Variants in DGKH observed in about 807,000 individuals in gnomAD.
The protein encoded by DGKH is DAG kinase eta.
Under a neutral mutation model 159.3 loss-of-function variants are expected in DGKH, and 90 were observed. The observed-to-expected ratio is 0.57, with a 90% CI of 0.48 to 0.67. The LOEUF is 0.67. Among genes scored for constraint, DGKH ranks in the 30% least tolerant of loss-of-function variants. The pLI, the probability that DGKH is intolerant of heterozygous loss-of-function variation, is 0.00. For synonymous variants in DGKH, 536 were observed against 553.8 expected (o/e 0.97, Z 0.45); for missense variants, 1,181 against 1,506.1 (o/e 0.78, Z 3.57).
In DGKH at chr13:42,238,682, T is replaced by A. The variant is rs1017831567; in HGVS notation, c.*9494T>A. ...TGGTATTCTTTCATGCAAAGTACTT[T>A]CAAAACTTCCCATAAAGAAACTAAA... On this transcript the variant is annotated 3_prime_UTR_variant, in exon 30 of 30. Coordinates refer to ENST00000337343, the MANE Select transcript of DGKH (RefSeq NM_178009.5). The A allele has an allele frequency of 6.6e-6, 1 of 152,176 alleles. No homozygotes were observed. Among genetic ancestry groups the A allele is most frequent in the African/African-American group, 2.4e-5 (1 of 41,450 alleles). The allele number at this position is 152,176 out of a possible 1,614,324, so 9.4% of individuals were successfully genotyped here.
Position 42,138,420 on chromosome 13 carries a change from T to C in DGKH, c.384+8788T>C, listed in dbSNP as rs915060889. ...GAAATTTCCTTGCAGATGCAAAGAC[T>C]GTGTCTTCTTTACCACTGAATCCTC... On this transcript the variant is annotated intron_variant, in intron 3 of 29. Transcript: ENST00000337343. 2.0e-5 allele frequency among the ~76,000 whole-genome samples: 3 copies of C among 152,202 alleles called. No homozygotes were observed. In the East Asian group the frequency reaches 5.8e-4, roughly 29 times the overall value.
In DGKH at chr13:42,079,453, C is replaced by T. The variant is rs539303160; in HGVS notation, c.192+30488C>T. Among the ~76,000 whole-genome samples, 127 of 152,250 alleles carry T rather than the reference C, an allele frequency of 8.3e-4. 1 individual carries two copies. Among genetic ancestry groups the T allele is most frequent in the Middle Eastern group, 3.4e-3 (1 of 294 alleles). On this transcript the variant is annotated intron_variant, in intron 1 of 29. Transcript: ENST00000337343. ...AACCAATTTCTCATCATCCATTCCC[C>T]TCCTACCCTCTCGCCCCTCCAAGCC...
At chr13:42,144,714 G>A (rs1955676351) in intron 3 of DGKH, among the ~76,000 whole-genome samples, 2 of 151,822 alleles carry the variant, frequency 1.3e-5, no homozygotes, top group African/African-American at 2.4e-5. Context: ...GAAAAGAAAG[G>A]GGTTCCATGT....
chr13:42,110,179 G>A (rs1954835610), intron 1 of DGKH, among the ~76,000 whole-genome samples: 1 of 152,142 alleles, frequency 6.6e-6, no homozygotes, highest in Admixed American at 6.5e-5. Context: ...AACTGTATGT[G>A]GTAGATGTGA....
In DGKH at chr13:42,168,308, T is replaced by A. The variant is rs1311033980; in HGVS notation, c.1119-132T>A. 1.2e-5 allele frequency: 8 copies of A among 693,560 alleles called. No homozygotes were observed. The East Asian group carries it at 1.7e-4, about 14-fold the overall frequency. 43.0% of individuals were successfully genotyped at this position (693,560 alleles called of 1,614,324 possible). A position where few individuals can be genotyped will look rare whatever the true frequency, so the allele number is the denominator to read the frequency against. On this transcript the variant is annotated intron_variant, in intron 9 of 29. Coordinates refer to ENST00000337343, the MANE Select transcript of DGKH (RefSeq NM_178009.5). ...TTAAAATTACACTTCAGTGAATGTT[T>A]ATGGTATAATTAACATGTAAGTAGG...
rs1159660128 is a variant in DGKH, at chr13:42,237,425, A to G, written c.*8237A>G. 1 of 152,226 alleles carries G rather than the reference A, an allele frequency of 6.6e-6. No individual in the cohort carries two copies. The highest frequency in any genetic ancestry group is 2.4e-5 in the African/African-American group (1 of 41,460). The allele number at this position is 152,226 out of a possible 1,614,324, so 9.4% of individuals were successfully genotyped here. On this transcript the variant is annotated 3_prime_UTR_variant, in exon 30 of 30. Transcript: ENST00000337343. ...GAAAAAAAGAAAACTGGTGAGAGAA[A>G]TTACATGGAAATTATAGGAAAAAGG...
At chr13:42,223,110 G>T (rs1001204716) in intron 29 of DGKH, among the ~76,000 whole-genome samples, 2 of 152,118 alleles carry the variant, frequency 1.3e-5, no homozygotes, top group East Asian at 3.9e-4. Context: ...AACAAGATGT[G>T]GGGGGTGGAT....
chr13:42,240,651 A>G lies in DGKH; in HGVS notation c.*11463A>G, dbSNP rs1047042791. ...AGGTTATTTAGAGTTATTAATGTAA[A>G]CATAAGAAGGCTTGTGACTCTTATC... On this transcript the variant is annotated 3_prime_UTR_variant, in exon 30 of 30. Coordinates refer to ENST00000337343, the MANE Select transcript of DGKH (RefSeq NM_178009.5). 2.6e-5 allele frequency: 4 copies of G among 152,178 alleles called. No individual in the cohort carries two copies. The highest frequency in any genetic ancestry group is 9.7e-5 in the African/African-American group (4 of 41,436). 9.4% of individuals were successfully genotyped at this position (152,178 alleles called of 1,614,324 possible). A position where few individuals can be genotyped will look rare whatever the true frequency, so the allele number is the denominator to read the frequency against.
chr13:42,172,187 C>T (rs950217306), intron 11 of DGKH, among the ~76,000 whole-genome samples: 17 of 151,718 alleles, frequency 1.1e-4, no homozygotes, highest in African/African-American at 2.2e-4. Context: ...GGCACAATCT[C>T]GGCTCACTGT....
chr13:42,219,369 T>C lies in DGKH; in HGVS notation c.3333+20T>C. On this transcript the variant is annotated intron_variant, in intron 27 of 29. Coordinates refer to ENST00000337343, the MANE Select transcript of DGKH (RefSeq NM_178009.5). ...GATGAGGTATGTAAAATTCAGCCTG[T>C]TTCTCTAGAAATGTAGACCATATTG... 6.2e-7 allele frequency: 1 copy of C among 1,612,426 alleles called. No individual in the cohort carries two copies. Among genetic ancestry groups the C allele is most frequent in the Non-Finnish European group, 8.5e-7 (1 of 1,179,382 alleles).
intron 1 of DGKH, among the ~76,000 whole-genome samples, chr13:42,063,621 A>C (rs1446556744): frequency 6.6e-6 from 1 of 152,158 alleles, no homozygotes; most frequent in Non-Finnish European, 1.5e-5. Flanking sequence ...TTTTTTAAAA[A>C]AGTGAAATGA....
At chr13:42,055,501 G>A (rs969902627) in intron 1 of DGKH, among the ~76,000 whole-genome samples, 1 of 152,160 alleles carries the variant, frequency 6.6e-6, no homozygotes, top group East Asian at 1.9e-4. Flanking sequence ...ATAACTTAAC[G>A]ATGCCGTATT....
At chr13:42,040,426 G>A (rs577413730) in intron 1 of DGKH, among the ~76,000 whole-genome samples, 1 of 151,804 alleles carries the variant, frequency 6.6e-6, no homozygotes, top group South Asian at 2.1e-4. Context: ...CCCGGCGGCC[G>A]CTTTCGGTTC....
rs1451851200 is a variant in DGKH at position 42,194,947 on chromosome 13, G to A, written c.2098G>A (p.Val700Ile). The A allele has an allele frequency of 6.2e-7, 1 of 1,613,850 alleles. No homozygotes were observed. The highest frequency in any genetic ancestry group is 1.7e-5 in the Admixed American group (1 of 59,972). Residue 700 changes from valine (V) to isoleucine (I), a missense_variant, in exon 17 of 30, where the codon GTC becomes ATC. This residue lies in a region of DGKH where 257 missense variants were observed against 281.5 expected (regional missense o/e 0.91). Transcript: ENST00000337343. ...ASYGHSQTDSVPGPAVAASKE... is the reference protein window; with the variant it reads ...ASYGHSQTDSIPGPAVAASKE... Reference sequence around the variant, plus strand: ...TTATGGCCATTCCCAAACTGATTCTGTCCCTGGTCCAGCTGTGGCAGCCAG... The same window carrying A: ...TTATGGCCATTCCCAAACTGATTCTATCCCTGGTCCAGCTGTGGCAGCCAG...
intron 24 of DGKH, among the ~76,000 whole-genome samples, chr13:42,211,470 G>C (rs1010028958): frequency 7.2e-5 from 11 of 152,318 alleles, no homozygotes; most frequent in African/African-American, 2.2e-4. Flanking sequence ...GGCTGAGGCA[G>C]GTGGATCAGT....
intron 3 of DGKH, among the ~76,000 whole-genome samples, chr13:42,138,713 T>C (rs1457545090): frequency 2.0e-5 from 3 of 152,224 alleles, no homozygotes; most frequent in Non-Finnish European, 4.4e-5. Flanking sequence ...ATACCATGTT[T>C]ACAAACATGA....
intron 9 of DGKH, 109 bp downstream of exon 9, chr13:42,166,783 GT>G (rs1566150670): frequency 1.1e-6 from 1 of 943,792 alleles, no homozygotes; most frequent in Non-Finnish European, 1.4e-6. Flanking sequence ...TCCCTCCCTC[GT>G]TTTTAAAGCT....
At chr13:42,209,210 T>C in intron 22 of DGKH, 121 bp from the exon 23 acceptor site, 1 of 1,408,540 alleles carries the variant, frequency 7.1e-7, no homozygotes, top group Non-Finnish European at 9.7e-7. Context: ...ACCATGTCAT[T>C]TATAAGTGAT....
At position 42,155,811 on chromosome 13, in the gene DGKH, C is replaced by A. The variant is rs1956028884; in HGVS notation, c.622+12C>A. On this transcript the variant is annotated intron_variant, in intron 5 of 29. Coordinates refer to ENST00000337343, the MANE Select transcript of DGKH (RefSeq NM_178009.5). ...CCTGTCCTGCGAAGGTACTGTAGCA[C>A]CTAGCATGTGTTTTCTCCCAACAGT... The A allele has an allele frequency of 6.2e-7, 1 of 1,613,748 alleles. No homozygotes were observed. Among genetic ancestry groups the A allele is most frequent in the Non-Finnish European group, 8.5e-7 (1 of 1,179,942 alleles).
Sources: allele counts gnomAD v4.1 joint callset (sites outside exome capture counted in the v4.1 genomes callset), GRCh38; gene constraint gnomAD v4.1.1; regional missense constraint gnomAD v4.1.1; transcripts MANE v1.5; gene names NCBI Gene and HGNC (gene_info 2026-07-23, HGNC 2026-07-21).